Variants in CALCRL observed in about 807,000 individuals in gnomAD.
The protein encoded by CALCRL is calcitonin gene-related peptide type 1 receptor.
A neutral mutation model predicts 60.4 loss-of-function variants in CALCRL; 27 were observed. The ratio of observed to expected loss-of-function variants is 0.45; its 90% confidence interval spans 0.33 to 0.62. The LOEUF (loss-of-function observed/expected upper bound fraction) is 0.62. CALCRL is among the 20% of genes least tolerant of loss of function. CALCRL has a pLI of 0.03. For synonymous variants in CALCRL, 190 were observed against 182.6 expected (o/e 1.04, Z -0.33); for missense variants, 424 against 540.7 (o/e 0.78, Z 2.14).
At chr2:187,442,062 T>C (rs1396755955) in intron 1 of CALCRL, 1 of 125,704 alleles carries the variant, frequency 8.0e-6, no homozygotes, top group Non-Finnish European at 1.6e-5. Flanking sequence ...TGAGGTGGCT[T>C]AAAAACATTA....
At chr2:187,354,488 A>G (rs1686679687) in intron 12 of CALCRL, among the ~76,000 whole-genome samples, 1 of 151,992 alleles carries the variant, frequency 6.6e-6, no homozygotes, top group Non-Finnish European at 1.5e-5. Context: ...TCTGAGTGGA[A>G]TGACTTGTGA....
chr2:187,435,869 C>CGTGT (rs59728362), intron 1 of CALCRL, among the ~76,000 whole-genome samples: 1 of 148,484 alleles, frequency 6.7e-6, no homozygotes, highest in Non-Finnish European at 1.5e-5. Flanking sequence ...TTTGTGCGTG[C>CGTGT]GTGTGTGTGT....
At chr2:187,399,682 GA>G (rs1688803723) in intron 1 of CALCRL, among the ~76,000 whole-genome samples, 1 of 151,522 alleles carries the variant, frequency 6.6e-6, no homozygotes, top group South Asian at 2.1e-4. Flanking sequence ...AAAATGGGCA[GA>G]GAAGATATGG....
At chr2:187,354,536 A>C (rs1686683291) in intron 12 of CALCRL, among the ~76,000 whole-genome samples, 1 of 152,020 alleles carries the variant, frequency 6.6e-6, no homozygotes, top group Non-Finnish European at 1.5e-5. Flanking sequence ...GCAAAAACAT[A>C]TGATAACCAT....
intron 9 of CALCRL, among the ~76,000 whole-genome samples, chr2:187,362,461 A>G (rs2105732235): frequency 6.6e-6 from 1 of 152,188 alleles, no homozygotes; most frequent in African/African-American, 2.4e-5. Context: ...AAATTACTCT[A>G]AAAACACACA....
Position 187,378,987 on chromosome 2 carries a change from C to T in CALCRL, c.453G>A (p.Leu151=). 1.9e-6 allele frequency: 3 copies of T among 1,608,080 alleles called. No homozygotes were observed. The highest frequency in any genetic ancestry group is 2.6e-6 in the Non-Finnish European group (3 of 1,176,132). The change falls in exon 8 of 15, where the codon TTG becomes TTA. Residue 151 remains leucine (L), a synonymous_variant. Coordinates refer to ENST00000392370, the MANE Select transcript of CALCRL (RefSeq NM_005795.6). ...LFYLTIIGHG[L]SIASLLISLG... ...GCGAGATAAGCAGTGATGCAATAGACAATCCGTGTCCAATTATGGTCAGGT... is the reference window on the plus strand; with the variant it reads ...GCGAGATAAGCAGTGATGCAATAGATAATCCGTGTCCAATTATGGTCAGGT...
At chr2:187,348,002 T>C (rs1686359304) in intron 14 of CALCRL, among the ~76,000 whole-genome samples, 1 of 151,750 alleles carries the variant, frequency 6.6e-6, no homozygotes, top group Non-Finnish European at 1.5e-5. Flanking sequence ...ATTTAAAAAA[T>C]ATATGGTAAC....
At chr2:187,421,741 C>G (rs1267288972) in intron 1 of CALCRL, among the ~76,000 whole-genome samples, 2 of 152,174 alleles carry the variant, frequency 1.3e-5, no homozygotes, top group Non-Finnish European at 2.9e-5. Context: ...TTAATTCCCT[C>G]ATAAAAACAC....
chr2:187,405,012 T>A (rs763803085), intron 1 of CALCRL, among the ~76,000 whole-genome samples: 1 of 151,968 alleles, frequency 6.6e-6, no homozygotes, highest in Non-Finnish European at 1.5e-5. Context: ...ACTGCAGTAT[T>A]TCCTAACTGG....
At position 187,359,291 on chromosome 2, in the gene CALCRL, AAG is replaced by A. The variant is rs1559041248; in HGVS notation, c.782-21_782-20del. ...GGAAATCCTGTAATAACAAAAAAAAAAGAAAATAAATAGGCATTTTTTCTACA... is the reference window on the plus strand; with the variant it reads ...GGAAATCCTGTAATAACAAAAAAAAAAAAATAAATAGGCATTTTTTCTACA... On this transcript the variant is annotated intron_variant, in intron 10 of 14. Coordinates refer to ENST00000392370, the MANE Select transcript of CALCRL (RefSeq NM_005795.6). 4.0e-6 allele frequency: 6 copies of A among 1,487,028 alleles called. No homozygotes were observed. The highest frequency in any genetic ancestry group is 1.3e-5 in the South Asian group (1 of 74,710). The allele number at this position is 1,487,028 out of a possible 1,614,324, so 92.1% of individuals were successfully genotyped here. A position where few individuals can be genotyped will look rare whatever the true frequency, so the allele number is the denominator to read the frequency against.
At chr2:187,437,672 T>G (rs1451020847) in intron 1 of CALCRL, among the ~76,000 whole-genome samples, 1 of 152,196 alleles carries the variant, frequency 6.6e-6, no homozygotes, top group African/African-American at 2.4e-5. Context: ...GTTTATGTTT[T>G]GTAATAATAA....
chr2:187,416,340 G>C (rs1689605662), intron 1 of CALCRL, among the ~76,000 whole-genome samples: 1 of 151,974 alleles, frequency 6.6e-6, no homozygotes, highest in Non-Finnish European at 1.5e-5. Flanking sequence ...TTTTCATCTT[G>C]AATGATACAG....
At chr2:187,372,646 G>A (rs891493012) in intron 8 of CALCRL, among the ~76,000 whole-genome samples, 1 of 152,080 alleles carries the variant, frequency 6.6e-6, no homozygotes, top group Non-Finnish European at 1.5e-5. Flanking sequence ...GTTTTTATTA[G>A]GGTGGGTCAG....
chr2:187,404,274 T>C (rs1689020196), intron 1 of CALCRL, among the ~76,000 whole-genome samples: 1 of 151,828 alleles, frequency 6.6e-6, no homozygotes, highest in Admixed American at 6.6e-5. Flanking sequence ...TGCATTTTTA[T>C]CAAAATATAA....
intron 7 of CALCRL, 145 bp downstream of exon 7, chr2:187,380,319 TTTC>T (rs954690924): frequency 1.9e-6 from 1 of 520,852 alleles, no homozygotes; most frequent in Admixed American, 3.2e-5. Context: ...CACGGATATA[TTTC>T]TTCTTTATTC....
In CALCRL at chr2:187,383,232, A is replaced by G; in HGVS notation, c.125T>C (p.Met42Thr). The change falls in exon 5 of 15, where the codon ATG becomes ACG. Residue 42 changes from methionine to threonine, a missense_variant. By Grantham distance (81) the Met-to-Thr change is moderately conservative. Transcript: ENST00000392370. ...TTGGTAACATTCATATTGAGCTGTCATGATTTTATTTCTAGTAACTCCCAA... is the reference window on the plus strand; with the variant it reads ...TTGGTAACATTCATATTGAGCTGTCGTGATTTTATTTCTAGTAACTCCCAA... ...IQLGVTRNKI[M>T]TAQYECYQKI... 1 of 1,612,910 alleles carries G rather than the reference A, an allele frequency of 6.2e-7. No individual in the cohort carries two copies. Among genetic ancestry groups the G allele is most frequent in the Non-Finnish European group, 8.5e-7 (1 of 1,179,636 alleles).
chr2:187,419,273 G>A lies in CALCRL; in HGVS notation c.-293+28766C>T, dbSNP rs185599168. ...CATGACACCTTTAAAAAGTGATTAC[G>A]GTTAATGAAGTAATAAATGCGTATC... On this transcript the variant is annotated intron_variant, in intron 1 of 14. Transcript: ENST00000392370. Among the ~76,000 whole-genome samples, 8 of 152,008 alleles carry A rather than the reference G, an allele frequency of 5.3e-5. No individual in the cohort carries two copies. In the East Asian group the frequency reaches 1.4e-3, roughly 26 times the overall value.
rs77202097 is a variant in CALCRL, at chr2:187,398,341, A to C, written c.-292-10585T>G. ...TTTCCCACCAACAATAAAATCAGAAAATATATAATTCTGATATAATTTTAA... is the reference window on the plus strand; with the variant it reads ...TTTCCCACCAACAATAAAATCAGAACATATATAATTCTGATATAATTTTAA... On this transcript the variant is annotated intron_variant, in intron 1 of 14. Coordinates refer to ENST00000392370, the MANE Select transcript of CALCRL (RefSeq NM_005795.6). Among the ~76,000 whole-genome samples the C allele has an allele frequency of 4.8e-3, 735 of 151,792 alleles. 4 individuals are homozygous for C. Among genetic ancestry groups the C allele is most frequent in the East Asian group, 0.018 (92 of 5,160 alleles).
intron 1 of CALCRL, among the ~76,000 whole-genome samples, chr2:187,404,089 T>G (rs1209904237): frequency 6.6e-6 from 1 of 151,908 alleles, no homozygotes; most frequent in Non-Finnish European, 1.5e-5. Context: ...AAAATAGCTT[T>G]CTTTCCTGCT....
Sources: gnomAD v4.1 joint callset for allele counts (sites outside exome capture counted in the v4.1 genomes callset) on GRCh38, gnomAD v4.1.1 for gene constraint, MANE v1.5 for transcripts, NCBI Gene and HGNC (gene_info 2026-07-23, HGNC 2026-07-21) for gene names.